UGGT1: variants seen among roughly 807,000 people sequenced by gnomAD.
The protein encoded by UGGT1 is UDP-glucose glycoprotein glucosyltransferase 1.
Under a neutral mutation model 203.9 loss-of-function variants are expected in UGGT1, and 107 were observed. That is an observed-to-expected ratio of 0.52 (90% CI 0.45 to 0.62). The LOEUF is 0.62. Among genes scored for constraint, UGGT1 ranks in the 20% least tolerant of loss-of-function variants. The probability of loss-of-function intolerance (pLI) is 0.00; values close to 1 mark genes in which losing one functional copy is unlikely to be tolerated. For synonymous variants in UGGT1, 628 were observed against 653.5 expected, an observed-to-expected ratio of 0.96 and a Z score of 0.59; for missense variants, 1,673 against 1,867.2, an observed-to-expected ratio of 0.90 and a Z score of 1.92.
At chr2:128,100,020 C>CG (rs1034443347) in intron 2 of UGGT1, among the ~76,000 whole-genome samples, 1 of 58,944 alleles carries the variant, frequency 1.7e-5, no homozygotes, top group South Asian at 1.1e-3. Context: ...GATTTACAAC[C>CG]CCCCCCCCCA....
chr2:128,108,086 A>G lies in UGGT1; in HGVS notation c.408+18A>G. ...TCCAGCAGGTGGGTCCAGTGCTCTT[A>G]AAGAACAGCATTTTAGAGTGTATAT... On this transcript the variant is annotated intron_variant, in intron 4 of 40. Transcript: ENST00000259253. The G allele has an allele frequency of 6.2e-7, 1 of 1,613,902 alleles. No individual in the cohort carries two copies. Among genetic ancestry groups the G allele is most frequent in the Non-Finnish European group, 8.5e-7 (1 of 1,179,886 alleles).
intron 37 of UGGT1, among the ~76,000 whole-genome samples, chr2:128,182,909 CTTT>C (rs372722115): frequency 8.8e-6 from 1 of 114,232 alleles, no homozygotes. Context: ...TGTAACTTGG[CTTT>C]TTTTTTTTTT....
In UGGT1 at chr2:128,172,343, C is replaced by CA. The variant is rs201934819; in HGVS notation, c.3105-229dup. ...TTGCTACGACATCACCACAGGCCAC[C>CA]ACTGAGCACTCCTCCTCAGTGCTGT... On this transcript the variant is annotated intron_variant, in intron 28 of 40. Transcript: ENST00000259253. 7.9e-3 allele frequency among the ~76,000 whole-genome samples: 1,208 copies of CA among 152,294 alleles called. 18 individuals are homozygous for CA. The highest frequency in any genetic ancestry group is 0.011 in the Non-Finnish European group (716 of 68,022).
At position 128,174,548 on chromosome 2, in the gene UGGT1, G is replaced by A. The variant is rs148233802; in HGVS notation, c.3454-225G>A. Among the ~76,000 whole-genome samples the A allele has an allele frequency of 4.1e-3, 628 of 152,188 alleles. 5 individuals carry two copies. Among genetic ancestry groups the A allele is most frequent in the African/African-American group, 0.013 (550 of 41,528 alleles). ...ACTCCTCACCTCAGTTGATCCACCT[G>A]CCGTGGTCTCCCGAAGTGCTGGGAT... On this transcript the variant is annotated intron_variant, in intron 30 of 40. Coordinates refer to ENST00000259253, the MANE Select transcript of UGGT1 (RefSeq NM_020120.4).
chr2:128,105,137 C>T (rs528190418), intron 3 of UGGT1, among the ~76,000 whole-genome samples: 10 of 151,368 alleles, frequency 6.6e-5, no homozygotes, highest in African/African-American at 2.4e-4. Flanking sequence ...CCCACCTCGG[C>T]CTCCTAAAGT....
chr2:128,114,726 G>A (rs1347110481), intron 6 of UGGT1, among the ~76,000 whole-genome samples: 2 of 152,138 alleles, frequency 1.3e-5, no homozygotes, highest in African/African-American at 2.4e-5. Context: ...TTATGGTTGG[G>A]ACCATAGCAC....
At chr2:128,137,154 T>C (rs6735210) in intron 15 of UGGT1, among the ~76,000 whole-genome samples, 89,871 of 152,080 alleles carry the variant, frequency 0.59, 26,824 homozygotes, top group East Asian at 0.66. Context: ...CAATGGCTCA[T>C]GCCTATAATC....
intron 15 of UGGT1, among the ~76,000 whole-genome samples, chr2:128,135,978 A>G (rs1213144666): frequency 6.6e-6 from 1 of 152,230 alleles, no homozygotes; most frequent in Non-Finnish European, 1.5e-5. Context: ...AGAGAAATAT[A>G]AGGACACAGA....
chr2:128,139,425 T>C (rs1689298704), intron 16 of UGGT1, among the ~76,000 whole-genome samples: 1 of 152,134 alleles, frequency 6.6e-6, no homozygotes, highest in Non-Finnish European at 1.5e-5. Flanking sequence ...TTTATTTATT[T>C]ATTCATTTAT....
At chr2:128,177,483 G>A (rs533995838) in intron 32 of UGGT1, among the ~76,000 whole-genome samples, 1 of 151,872 alleles carries the variant, frequency 6.6e-6, no homozygotes, top group Non-Finnish European at 1.5e-5. Context: ...AACAGCTAGA[G>A]CCCCCAGCAG....
intron 31 of UGGT1, among the ~76,000 whole-genome samples, chr2:128,175,089 T>G (rs1277796103): frequency 6.6e-6 from 1 of 152,252 alleles, no homozygotes; most frequent in Non-Finnish European, 1.5e-5. Flanking sequence ...TCTTTAATTA[T>G]TCCTTTGTGC....
In UGGT1 at chr2:128,160,288, T is replaced by A. The variant is rs73955962; in HGVS notation, c.2563-172T>A. On this transcript the variant is annotated intron_variant, in intron 23 of 40. Transcript: ENST00000259253. ...ATAAGGAAATAGCAGTTACTCTAAGTAGTAGGGAGATGGCGGGGAGACTGG... is the reference window on the plus strand; with the variant it reads ...ATAAGGAAATAGCAGTTACTCTAAGAAGTAGGGAGATGGCGGGGAGACTGG... 5.1e-3 allele frequency among the ~76,000 whole-genome samples: 769 copies of A among 152,206 alleles called. 10 individuals are homozygous for A. Among genetic ancestry groups the A allele is most frequent in the African/African-American group, 0.016 (680 of 41,520 alleles).
At chr2:128,186,979 TTCTTA>T (rs1236685609) in intron 39 of UGGT1, among the ~76,000 whole-genome samples, 180 bp downstream of exon 39, 7 of 152,214 alleles carry the variant, frequency 4.6e-5, no homozygotes, top group African/African-American at 1.7e-4. Flanking sequence ...CTTATAAATA[TTCTTA>T]TCTTATAGAA....
rs1275258929 is a variant in UGGT1, at chr2:128,120,421, A to G, written c.938A>G (p.Asn313Ser). 8.7e-6 allele frequency: 14 copies of G among 1,614,096 alleles called. No homozygotes were observed. Among genetic ancestry groups the G allele is most frequent in the Admixed American group, 1.7e-5 (1 of 60,016 alleles). Residue 313 changes from asparagine to serine, a missense_variant, in exon 9 of 41, where the codon AAT (asparagine) becomes AGT (serine). Coordinates refer to ENST00000259253, the MANE Select transcript of UGGT1 (RefSeq NM_020120.4). ...AGAAAGCATCTTGTAGAGAGCACCA[A>G]TGAAATGGCACCTTTAAAGGTTTGG... is the stretch of plus-strand genomic sequence containing the variant. Reference protein sequence around the residue: ...ELRKHLVESTNEMAPLKVWQL... With the variant: ...ELRKHLVESTSEMAPLKVWQL...
chr2:128,143,491 A>C (rs140025986), intron 17 of UGGT1, among the ~76,000 whole-genome samples: 80 of 152,338 alleles, frequency 5.3e-4, no homozygotes, highest in African/African-American at 1.9e-3. Flanking sequence ...AAGAGAAAGT[A>C]CCAGTAGCTT....
intron 23 of UGGT1, 56 bp downstream of exon 23, chr2:128,159,776 C>T: frequency 6.5e-7 from 1 of 1,539,026 alleles, no homozygotes; most frequent in Non-Finnish European, 8.9e-7. Flanking sequence ...CGGAAGCTCA[C>T]CCACTGCAGC....
chr2:128,150,894 A>G (rs1689930190), intron 18 of UGGT1, among the ~76,000 whole-genome samples: 1 of 151,962 alleles, frequency 6.6e-6, no homozygotes. Context: ...TTTGTCACCC[A>G]GGCTAGAGTT....
intron 21 of UGGT1, among the ~76,000 whole-genome samples, chr2:128,156,906 T>C (rs1457937150): frequency 1.3e-5 from 2 of 152,152 alleles, no homozygotes; most frequent in African/African-American, 4.8e-5. Context: ...TTGTAAAGAA[T>C]TAGTTTCAGA....
At chr2:128,182,573 C>T (rs1691749814) in intron 37 of UGGT1, among the ~76,000 whole-genome samples, 1 of 151,972 alleles carries the variant, frequency 6.6e-6, no homozygotes, top group African/African-American at 2.4e-5. Context: ...GTGGTGGGCG[C>T]CTGTAATCCC....
Sources: allele counts gnomAD v4.1 joint callset (sites outside exome capture counted in the v4.1 genomes callset), GRCh38; gene constraint gnomAD v4.1.1; transcripts MANE v1.5; gene names NCBI Gene and HGNC (gene_info 2026-07-23, HGNC 2026-07-21).